PTPRJ: variants seen among roughly 807,000 people sequenced by gnomAD.
The protein encoded by PTPRJ is receptor-type tyrosine-protein phosphatase eta.
Under a neutral mutation model 141.3 loss-of-function variants are expected in PTPRJ, and 129 were observed. The ratio of observed to expected loss-of-function variants is 0.91; its 90% CI spans 0.79 to 1.06. PTPRJ has a LOEUF of 1.06. Ranked by LOEUF, PTPRJ falls within the 50% of genes least tolerant of loss-of-function variation. PTPRJ has a pLI of 0.00. For synonymous variants in PTPRJ, 610 were observed against 640.5 expected, an observed-to-expected ratio of 0.95 and a Z score of 0.72; for missense variants, 1,601 against 1,679.7, an observed-to-expected ratio of 0.95 and a Z score of 0.82.
chr11:48,007,010 T>C (rs1327727240), intron 1 of PTPRJ, among the ~76,000 whole-genome samples: 3 of 152,194 alleles, frequency 2.0e-5, no homozygotes, highest in African/African-American at 7.2e-5. Context: ...ATTCTACCCA[T>C]ACTCCCAAAT....
At chr11:48,159,901 C>T in intron 21 of PTPRJ, 29 bp from the exon 22 acceptor site, 1 of 1,612,418 alleles carries the variant, frequency 6.2e-7, no homozygotes, top group Non-Finnish European at 8.5e-7. Flanking sequence ...TGATCTGAGT[C>T]TTCTTATAAA....
In PTPRJ at chr11:48,034,885, T is replaced by C. The variant is rs138863783; in HGVS notation, c.96+53877T>C. Among the ~76,000 whole-genome samples the C allele has an allele frequency of 8.5e-5, 13 of 152,344 alleles. No homozygotes were observed. The East Asian group carries it at 2.5e-3, about 29-fold the overall frequency. On this transcript the variant is annotated intron_variant, in intron 1 of 24. Transcript: ENST00000418331. ...ATATGCTGTGCACTGTGTTGTGTAT[T>C]TCAGATGCACGAATGAGAATCTTCA...
At chr11:48,074,581 C>T (rs999718325) in intron 1 of PTPRJ, among the ~76,000 whole-genome samples, 1 of 152,206 alleles carries the variant, frequency 6.6e-6, no homozygotes, top group African/African-American at 2.4e-5. Context: ...TAATTAGACC[C>T]TTTCTCCTGT....
intron 11 of PTPRJ, 93 bp from the exon 12 acceptor site, chr11:48,142,826 A>T: frequency 7.0e-7 from 1 of 1,427,034 alleles, no homozygotes; most frequent in Admixed American, 2.2e-5. Context: ...CCAGAGTAAG[A>T]TCTTGAGGAG....
intron 1 of PTPRJ, among the ~76,000 whole-genome samples, chr11:48,031,014 G>A (rs1359253517): frequency 1.3e-5 from 2 of 152,178 alleles, no homozygotes. Context: ...AGCAAGCAGT[G>A]TTTTCAAAGT....
At position 48,168,548 on chromosome 11, in the gene PTPRJ, A is replaced by G. The variant is rs1289633249; in HGVS notation, c.*1186A>G. 3 of 98,706 alleles carry G rather than the reference A, an allele frequency of 3.0e-5. No homozygotes were observed. Among genetic ancestry groups the G allele is most frequent in the Non-Finnish European group, 6.5e-5 (3 of 45,990 alleles). 6.1% of individuals were successfully genotyped at this position (98,706 alleles called of 1,614,324 possible). On this transcript the variant is annotated 3_prime_UTR_variant, in exon 25 of 25. Coordinates refer to ENST00000418331, the MANE Select transcript of PTPRJ (RefSeq NM_002843.4). ...GAATCTACTGTGTATATATATATAT[A>G]TATATATATATATATATATATATAT...
Position 48,041,461 on chromosome 11 carries a change from A to G in PTPRJ, c.96+60453A>G, listed in dbSNP as rs367949700. Among the ~76,000 whole-genome samples, 5 of 152,302 alleles carry G rather than the reference A, an allele frequency of 3.3e-5. No individual in the cohort carries two copies. The South Asian group carries it at 8.3e-4, about 25-fold the overall frequency. On this transcript the variant is annotated intron_variant, in intron 1 of 24. Coordinates refer to ENST00000418331, the MANE Select transcript of PTPRJ (RefSeq NM_002843.4). ...GACACATAGCGTTACTACAAACTTC[A>G]TCACAAAAATAAAGAAACCAGGGCC...
chr11:48,051,131 T>C (rs952169502), intron 1 of PTPRJ, among the ~76,000 whole-genome samples: 5 of 136,074 alleles, frequency 3.7e-5, no homozygotes, highest in African/African-American at 1.4e-4. Context: ...AATCTCGCTC[T>C]GCCACCCAGG....
intron 1 of PTPRJ, among the ~76,000 whole-genome samples, chr11:48,051,755 T>A (rs1342911788): frequency 6.6e-6 from 1 of 152,248 alleles, no homozygotes; most frequent in East Asian, 1.9e-4. Context: ...CTCCCTCATC[T>A]GAAAATCAGA....
chr11:48,159,808 C>T, intron 21 of PTPRJ, 122 bp from the exon 22 acceptor site: 1 of 1,291,790 alleles, frequency 7.7e-7, no homozygotes, highest in East Asian at 2.4e-5. Flanking sequence ...AAACAAAACC[C>T]AACTAGAAGG....
intron 1 of PTPRJ, among the ~76,000 whole-genome samples, chr11:48,056,875 C>A (rs7118665): frequency 0.45 from 67,886 of 152,112 alleles, 19,801 homozygotes; most frequent in African/African-American, 0.84. Context: ...AATCGCTTGA[C>A]TCCGGGAGGA....
rs866855108 is a variant in PTPRJ, at chr11:48,131,051, C to T, written c.1615+335C>T. ...TTTAATACACACACACACACACACACATATATATATATATATATATTTTTT... is the reference window on the plus strand; with the variant it reads ...TTTAATACACACACACACACACACATATATATATATATATATATATTTTTT... On this transcript the variant is annotated intron_variant, in intron 8 of 24. Transcript: ENST00000418331. Among the ~76,000 whole-genome samples the T allele has an allele frequency of 5.7e-4, 64 of 112,064 alleles. 1 individual carries two copies. The highest frequency in any genetic ancestry group is 2.1e-3 in the African/African-American group (52 of 25,002). 73.5% of individuals were successfully genotyped at this position (112,064 alleles called of 152,430 possible). A position where few individuals can be genotyped will look rare whatever the true frequency, so the allele number is the denominator to read the frequency against.
At chr11:48,137,744 C>A (rs752086366) in intron 10 of PTPRJ, among the ~76,000 whole-genome samples, 6 of 152,070 alleles carry the variant, frequency 3.9e-5, no homozygotes, top group Admixed American at 6.6e-5. Flanking sequence ...AGGAGTGGAC[C>A]CGCAGGAACA....
intron 1 of PTPRJ, among the ~76,000 whole-genome samples, chr11:48,005,653 A>G (rs1051512701): frequency 2.6e-5 from 4 of 152,148 alleles, no homozygotes; most frequent in African/African-American, 7.2e-5. Context: ...TGACACTGCT[A>G]TGAACGTTTG....
intron 1 of PTPRJ, among the ~76,000 whole-genome samples, chr11:48,075,601 G>T (rs1333674252): frequency 1.3e-5 from 2 of 151,712 alleles, no homozygotes; most frequent in African/African-American, 4.9e-5. Flanking sequence ...TTTTTTTTGT[G>T]TGTGTGTGTG....
At chr11:48,097,338 T>A (rs560838537) in intron 1 of PTPRJ, among the ~76,000 whole-genome samples, 1 of 152,312 alleles carries the variant, frequency 6.6e-6, no homozygotes, top group South Asian at 2.1e-4. Flanking sequence ...ATTTGAGGTA[T>A]GTTGATACAT....
chr11:48,127,099 G>T (rs1430566816), intron 6 of PTPRJ, among the ~76,000 whole-genome samples: 1 of 152,174 alleles, frequency 6.6e-6, no homozygotes, highest in South Asian at 2.1e-4. Flanking sequence ...CCCTTCAGGG[G>T]CCTGCCCATT....
intron 1 of PTPRJ, among the ~76,000 whole-genome samples, chr11:48,107,043 A>G (rs1856309096): frequency 6.6e-6 from 1 of 152,026 alleles, no homozygotes; most frequent in Non-Finnish European, 1.5e-5. Context: ...TGCTGGGATT[A>G]CAAGTGTGAG....
chr11:48,090,387 G>A (rs546648273), intron 1 of PTPRJ, among the ~76,000 whole-genome samples: 17 of 152,350 alleles, frequency 1.1e-4, no homozygotes, highest in African/African-American at 3.4e-4. Context: ...GGTCTTGAAG[G>A]GCGTGGCATC....
Sources: allele counts gnomAD v4.1 joint callset (sites outside exome capture counted in the v4.1 genomes callset), GRCh38; gene constraint gnomAD v4.1.1; transcripts MANE v1.5; gene names NCBI Gene and HGNC (gene_info 2026-07-23, HGNC 2026-07-21).